FRMD1: variants seen among roughly 807,000 people sequenced by gnomAD.
FRMD1 encodes FERM domain containing 1.
A neutral mutation model predicts 54.9 loss-of-function variants in FRMD1; 51 were observed. The observed-to-expected ratio is 0.93, with a 90% confidence interval of 0.74 to 1.17. The LOEUF is 1.17. Ranked by LOEUF, FRMD1 falls within the 50% of genes most tolerant of loss-of-function variation. FRMD1 has a pLI of 0.00. For missense variants in FRMD1, 729 were observed against 743.0 expected, an observed-to-expected ratio of 0.98 and a Z score of 0.22; for synonymous variants, 324 against 306.4, an observed-to-expected ratio of 1.06 and a Z score of -0.60.
intron 2 of FRMD1, 57 bp downstream of exon 2, chr6:168,075,188 C>A (rs1028878202): frequency 4.2e-5 from 61 of 1,469,868 alleles, no homozygotes; most frequent in Middle Eastern, 1.7e-4. Context: ...ACCCCCTTGA[C>A]CTCCAGCAGA....
chr6:168,063,642 G>A lies in FRMD1; in HGVS notation c.763C>T (p.Arg255Trp), dbSNP rs763917811. ...AMLCFIQEAC[R>W]LEDVPVHFFR... ...AAGTGCACGGGCACGTCCTCCAGCC[G>A]GCAGGCCTCCTGGATGAAGCACAGC... Residue 255 changes from arginine (R) to tryptophan (W), a missense_variant, in exon 6 of 11, where the codon CGG becomes TGG. Transcript: ENST00000283309. The A allele has an allele frequency of 4.6e-5, 74 of 1,613,402 alleles. No individual in the cohort carries two copies. Among genetic ancestry groups the A allele is most frequent in the Middle Eastern group, 1.6e-4 (1 of 6,080 alleles).
chr6:168,088,703 T>A (rs533149148), intron 1 of FRMD1, among the ~76,000 whole-genome samples: 1 of 152,208 alleles, frequency 6.6e-6, no homozygotes, highest in Non-Finnish European at 1.5e-5. Flanking sequence ...GTCACTCCTG[T>A]CCCAGGCAGG....
At position 168,067,327 on chromosome 6, in the gene FRMD1, C is replaced by T. The variant is rs756850815; in HGVS notation, c.384+40G>A. ...GTCCCCGTGGCCCAGCACAGCCCAC[C>T]GCGGTGCCTGCCCTCTCCCACCCGA... On this transcript the variant is annotated intron_variant, in intron 3 of 10. Transcript: ENST00000283309. The T allele has an allele frequency of 1.3e-5, 18 of 1,357,092 alleles. No homozygotes were observed. In the Middle Eastern group the frequency reaches 5.9e-4, roughly 44 times the overall value. The allele number at this position is 1,357,092 out of a possible 1,614,324, so 84.1% of individuals were successfully genotyped here. A position where few individuals can be genotyped will look rare whatever the true frequency, so the allele number is the denominator to read the frequency against.
chr6:168,083,349 T>C (rs577127179), upstream of FRMD1, among the ~76,000 whole-genome samples: 2 of 152,290 alleles, frequency 1.3e-5, no homozygotes, highest in African/African-American at 2.4e-5. Flanking sequence ...CCTGCCTTAT[T>C]TATCTTAGCA....
intron 2 of FRMD1, among the ~76,000 whole-genome samples, chr6:168,068,234 G>A (rs528336367): frequency 6.6e-6 from 1 of 152,302 alleles, no homozygotes; most frequent in Admixed American, 6.5e-5. Context: ...AACTATAAGA[G>A]ACGCTTCTTT....
At position 168,078,907 on chromosome 6, in the gene FRMD1, C is replaced by A. The variant is rs767006393; in HGVS notation, c.188G>T (p.Arg63Leu). 1.3e-6 allele frequency: 2 copies of A among 1,598,910 alleles called. No homozygotes were observed. Among genetic ancestry groups the A allele is most frequent in the African/African-American group, 1.3e-5 (1 of 74,884 alleles). Residue 63 changes from arginine (R) to leucine (L), a missense_variant, in exon 1 of 11, where the codon CGG becomes CTG. Transcript: ENST00000283309. ...CCCCACGGCCAGCCGCAGTTGCTCCCGGCTGGGCAGCAGCACGAGGACATC... is the reference window on the plus strand; with the variant it reads ...CCCCACGGCCAGCCGCAGTTGCTCCAGGCTGGGCAGCAGCACGAGGACATC... ...HRDVLVLLPSREQLRLAVGVK... is the reference protein window; with the variant it reads ...HRDVLVLLPSLEQLRLAVGVK...
chr6:168,088,304 G>A (rs566477956), intron 1 of FRMD1, among the ~76,000 whole-genome samples: 10 of 152,202 alleles, frequency 6.6e-5, no homozygotes, highest in Admixed American at 2.0e-4. Context: ...CTGGGTGCTC[G>A]GGTTCAGTGC....
intron 1 of FRMD1, among the ~76,000 whole-genome samples, chr6:168,086,834 C>T (rs1800929864): frequency 6.6e-6 from 1 of 152,240 alleles, no homozygotes. Context: ...GGGTGAAGCC[C>T]ATGTGACCCC....
At chr6:168,074,983 G>A (rs1280163767) in intron 2 of FRMD1, among the ~76,000 whole-genome samples, 1 of 151,598 alleles carries the variant, frequency 6.6e-6, no homozygotes, top group Non-Finnish European at 1.5e-5. Context: ...TGCAAGTGGT[G>A]TGTAACTGTG....
Position 168,077,281 on chromosome 6 carries a change from T to TGG in FRMD1, c.213+1599_213+1600dup, listed in dbSNP as rs146849973. Among the ~76,000 whole-genome samples the TGG allele has an allele frequency of 6.6e-3, 972 of 146,888 alleles. 5 individuals carry two copies. Among genetic ancestry groups the TGG allele is most frequent in the African/African-American group, 9.5e-3 (379 of 39,972 alleles). The stretch of plus-strand genomic sequence containing the variant: ...AGACACAGATGTGCACACACTCCGA[T>TGG]GGGGGGGGGTTCTTGTCTAACTGCA... On this transcript the variant is annotated intron_variant, in intron 1 of 10. Coordinates refer to ENST00000283309, the MANE Select transcript of FRMD1 (RefSeq NM_024919.6).
Position 168,063,773 on chromosome 6 carries a change from G to T in FRMD1, c.649-17C>A. 1 of 1,604,080 alleles carries T rather than the reference G, an allele frequency of 6.2e-7. No individual in the cohort carries two copies. Among genetic ancestry groups the T allele is most frequent in the Non-Finnish European group, 8.5e-7 (1 of 1,174,916 alleles). On this transcript the variant is annotated splice_polypyrimidine_tract_variant and intron_variant, in intron 5 of 10. Coordinates refer to ENST00000283309, the MANE Select transcript of FRMD1 (RefSeq NM_024919.6). ...GGTGATGATCTGAGGACAGAGCCGG[G>T]AGGTCAGCTCAGACCCCTGCTGGTC... is the stretch of plus-strand genomic sequence containing the variant.
intron 1 of FRMD1, among the ~76,000 whole-genome samples, chr6:168,091,003 T>C (rs1256465268): frequency 1.3e-5 from 2 of 152,132 alleles, no homozygotes; most frequent in Non-Finnish European, 2.9e-5. Flanking sequence ...CCAAGCGGAC[T>C]CCCGGCTCCG....
In FRMD1 at chr6:168,062,748, C is replaced by A. The variant is rs1799817845; in HGVS notation, c.870+146G>T. The A allele has an allele frequency of 3.2e-6, 5 of 1,571,658 alleles. No homozygotes were observed. The East Asian group carries it at 9.4e-5, about 30-fold the overall frequency. ...GGAGCACGGTCCACCTCCTGCGGGA[C>A]AGCAGAGGCAGGGCGCGTCCAGGCA... On this transcript the variant is annotated intron_variant, in intron 7 of 10. Coordinates refer to ENST00000283309, the MANE Select transcript of FRMD1 (RefSeq NM_024919.6).
chr6:168,066,805 G>A lies in FRMD1; in HGVS notation c.411C>T (p.Phe137=), dbSNP rs140475200. ...AGTGCTGCACTCGGAGGAAGGCCACGAAGGGGGCTCTGGGTTTCTCATTTC... is the reference window on the plus strand; with the variant it reads ...AGTGCTGCACTCGGAGGAAGGCCACAAAGGGGGCTCTGGGTTTCTCATTTC... ...NEGNEKPRAP[F]VAFLRVQHYV... is the part of the protein sequence containing the mutation. The change falls in exon 4 of 11, where the codon TTC becomes TTT. Residue 137 remains phenylalanine (F), a synonymous_variant. Coordinates refer to ENST00000283309, the MANE Select transcript of FRMD1 (RefSeq NM_024919.6). The A allele has an allele frequency of 6.4e-5, 103 of 1,614,044 alleles. No individual in the cohort carries two copies. In the East Asian group the frequency reaches 1.3e-3, roughly 20 times the overall value.
At chr6:168,076,469 C>T (rs1800599191) in intron 1 of FRMD1, among the ~76,000 whole-genome samples, 1 of 152,170 alleles carries the variant, frequency 6.6e-6, no homozygotes, top group South Asian at 2.1e-4. Flanking sequence ...TGGGAGGTGA[C>T]TGAATCACGG....
At chr6:168,085,868 C>T (rs1206978011), upstream of FRMD1, among the ~76,000 whole-genome samples, 1 of 152,264 alleles carries the variant, frequency 6.6e-6, no homozygotes, top group Non-Finnish European at 1.5e-5. Context: ...CCAGCCACAG[C>T]ATCCAAAGCC....
chr6:168,076,810 C>A (rs1800614814), intron 1 of FRMD1, among the ~76,000 whole-genome samples: 1 of 152,258 alleles, frequency 6.6e-6, no homozygotes, highest in Non-Finnish European at 1.5e-5. Flanking sequence ...GAGGGTCTTC[C>A]CAGCCCATCC....
chr6:168,066,493 C>G, intron 4 of FRMD1: 3 of 1,145,360 alleles, frequency 2.6e-6, no homozygotes, highest in Non-Finnish European at 3.3e-6. Flanking sequence ...AGTGAAACTC[C>G]GTCTCAAAAC....
chr6:168,061,446 A>G (rs1195741136), intron 8 of FRMD1, among the ~76,000 whole-genome samples: 2 of 152,104 alleles, frequency 1.3e-5, no homozygotes, highest in Non-Finnish European at 2.9e-5. Flanking sequence ...AGGATGTGGA[A>G]CAGGAAGGGA....
Sources: allele counts gnomAD v4.1 joint callset (sites outside exome capture counted in the v4.1 genomes callset), GRCh38; gene constraint gnomAD v4.1.1; transcripts MANE v1.5; gene names NCBI Gene and HGNC (gene_info 2026-07-23, HGNC 2026-07-21).